CDKAL1: variants seen among roughly 807,000 people sequenced by gnomAD.
CDKAL1 encodes CDKAL1 threonylcarbamoyladenosine tRNA methylthiotransferase.
In CDKAL1, 32 loss-of-function variants were observed where a neutral mutation model predicts 68.2. That is an observed-to-expected ratio of 0.47 (90% confidence interval 0.35 to 0.63). CDKAL1 has a LOEUF of 0.63. Ranked by LOEUF, CDKAL1 falls within the 30% of genes least tolerant of loss-of-function variation. CDKAL1 has a pLI of 0.00. For missense variants in CDKAL1, 606 were observed against 696.7 expected (o/e 0.87, Z 1.47); for synonymous variants, 234 against 244.3 (o/e 0.96, Z 0.39).
At chr6:21,029,791 T>G (rs1049854703) in intron 11 of CDKAL1, among the ~76,000 whole-genome samples, 3 of 152,048 alleles carry the variant, frequency 2.0e-5, no homozygotes, top group Non-Finnish European at 4.4e-5. Context: ...GCATCTCACA[T>G]CAGTCAAAAA....
chr6:20,791,394 G>C (rs974457242), intron 8 of CDKAL1, among the ~76,000 whole-genome samples: 5 of 152,100 alleles, frequency 3.3e-5, no homozygotes, highest in Non-Finnish European at 7.4e-5. Flanking sequence ...GCTAGTAAGT[G>C]GCAGAATTGT....
intron 10 of CDKAL1, among the ~76,000 whole-genome samples, chr6:20,975,339 A>T (rs889119008): frequency 6.6e-6 from 1 of 152,080 alleles, no homozygotes; most frequent in Non-Finnish European, 1.5e-5. Context: ...TTGTGCTTTC[A>T]TTTTCGAACA....
intron 8 of CDKAL1, among the ~76,000 whole-genome samples, chr6:20,786,859 G>A (rs1166511967): frequency 6.6e-6 from 1 of 151,894 alleles, no homozygotes; most frequent in Non-Finnish European, 1.5e-5. Context: ...GTAGTGTAGG[G>A]GACAAAAGTA....
chr6:20,633,111 A>G (rs1245722403), intron 4 of CDKAL1, among the ~76,000 whole-genome samples: 1 of 152,206 alleles, frequency 6.6e-6, no homozygotes, highest in Non-Finnish European at 1.5e-5. Context: ...CTCATTTGAA[A>G]TACACAGTTT....
At chr6:20,953,319 T>A (rs1039173955) in intron 9 of CDKAL1, among the ~76,000 whole-genome samples, 6 of 152,188 alleles carry the variant, frequency 3.9e-5, no homozygotes, top group Non-Finnish European at 7.3e-5. Context: ...TCCCCTTCTA[T>A]ATTCATCTAG....
intron 9 of CDKAL1, among the ~76,000 whole-genome samples, chr6:20,856,627 A>T (rs1454855335): frequency 6.6e-6 from 1 of 152,220 alleles, no homozygotes; most frequent in African/African-American, 2.4e-5. Context: ...TTGCTTTGAT[A>T]CCTTTACTAA....
chr6:21,027,788 T>TA (rs1397269984), intron 11 of CDKAL1, among the ~76,000 whole-genome samples: 2 of 152,168 alleles, frequency 1.3e-5, no homozygotes, highest in Non-Finnish European at 2.9e-5. Context: ...GGTAATCTGT[T>TA]ACAGCAGCAG....
chr6:20,678,150 A>G (rs1770207537), intron 5 of CDKAL1, among the ~76,000 whole-genome samples: 1 of 149,248 alleles, frequency 6.7e-6, no homozygotes, highest in East Asian at 2.0e-4. Context: ...TCTTGTATGG[A>G]GAATGTATAG....
chr6:21,057,569 G>A (rs1770904329), intron 11 of CDKAL1, among the ~76,000 whole-genome samples: 1 of 151,508 alleles, frequency 6.6e-6, no homozygotes, highest in Non-Finnish European at 1.5e-5. Context: ...TAGCTTTGGG[G>A]TTTGTTTGCT....
intron 9 of CDKAL1, among the ~76,000 whole-genome samples, chr6:20,904,639 A>G (rs1311476767): frequency 6.6e-6 from 1 of 152,078 alleles, no homozygotes; most frequent in Non-Finnish European, 1.5e-5. Context: ...AAAATACAAA[A>G]TTAGACAGGT....
At chr6:21,206,548 A>G (rs1246666370) in intron 15 of CDKAL1, among the ~76,000 whole-genome samples, 1 of 152,188 alleles carries the variant, frequency 6.6e-6, no homozygotes, top group Non-Finnish European at 1.5e-5. Context: ...AGAAAAGAAC[A>G]TTTTCTCTTC....
At chr6:21,015,960 A>G (rs904733867) in intron 11 of CDKAL1, among the ~76,000 whole-genome samples, 10 of 151,702 alleles carry the variant, frequency 6.6e-5, no homozygotes, top group Admixed American at 5.3e-4. Flanking sequence ...AAAAAAAAAA[A>G]AAAGAAAGAA....
At chr6:20,870,475 AT>A (rs1268293653) in intron 9 of CDKAL1, among the ~76,000 whole-genome samples, 2 of 152,206 alleles carry the variant, frequency 1.3e-5, no homozygotes, top group African/African-American at 4.8e-5. Flanking sequence ...TTTAAGTTAC[AT>A]CTTGGGAATT....
chr6:21,045,359 A>G lies in CDKAL1; in HGVS notation c.1056-19689A>G, dbSNP rs117456780. The stretch of plus-strand genomic sequence containing the variant: ...TGCCAAAAATGATGTAATCAGTGCT[A>G]CTTTCTAGACCTTGCATAGTTTGGG... On this transcript the variant is annotated intron_variant, in intron 11 of 15. Coordinates refer to ENST00000274695, the MANE Select transcript of CDKAL1 (RefSeq NM_017774.3). Among the ~76,000 whole-genome samples the G allele has an allele frequency of 1.6e-4, 25 of 152,300 alleles. No individual in the cohort carries two copies. The East Asian group carries it at 4.6e-3, about 28-fold the overall frequency.
intron 11 of CDKAL1, among the ~76,000 whole-genome samples, chr6:21,049,805 T>C (rs1770441844): frequency 6.6e-6 from 1 of 151,384 alleles, no homozygotes; most frequent in Admixed American, 6.6e-5. Context: ...TCTCATCCAG[T>C]TGTCTCTCAT....
Position 21,186,155 on chromosome 6 carries a change from G to C in CDKAL1, c.1300-11866G>C, listed in dbSNP as rs368338562. Among the ~76,000 whole-genome samples, 12 of 152,270 alleles carry C rather than the reference G, an allele frequency of 7.9e-5. No homozygotes were observed. The South Asian group carries it at 1.0e-3, about 13-fold the overall frequency. ...GTATTGCCCACTGCTGAAAGATTGT[G>C]GCAGTGCCTTTTGTTATGCTAATTA... On this transcript the variant is annotated intron_variant, in intron 13 of 15. Transcript: ENST00000274695.
chr6:21,111,535 T>G (rs1774120456), intron 13 of CDKAL1, among the ~76,000 whole-genome samples: 1 of 152,234 alleles, frequency 6.6e-6, no homozygotes, highest in Non-Finnish European at 1.5e-5. Context: ...AGTCACCAGG[T>G]TAAACAAACG....
At chr6:21,216,182 A>T (rs1282927815) in intron 15 of CDKAL1, among the ~76,000 whole-genome samples, 1 of 152,218 alleles carries the variant, frequency 6.6e-6, no homozygotes, top group Non-Finnish European at 1.5e-5. Context: ...AGAACTAAAA[A>T]ATGGTAAATT....
At chr6:20,666,775 A>C (rs1769568808) in intron 5 of CDKAL1, among the ~76,000 whole-genome samples, 1 of 150,418 alleles carries the variant, frequency 6.6e-6, no homozygotes, top group South Asian at 2.1e-4. Flanking sequence ...CCATGCTCTG[A>C]TGACATTTTT....
Sources: gnomAD v4.1 joint callset for allele counts (sites outside exome capture counted in the v4.1 genomes callset) on GRCh38, gnomAD v4.1.1 for gene constraint, MANE v1.5 for transcripts, NCBI Gene and HGNC (gene_info 2026-07-23, HGNC 2026-07-21) for gene names.